Variants in CDHR2 observed in about 807,000 individuals in gnomAD.
The protein encoded by CDHR2 is cadherin related family member 2.
CDHR2 carries 104 observed loss-of-function variants against 138.6 expected under a neutral mutation model. The observed-to-expected ratio is 0.75, with a 90% confidence interval of 0.64 to 0.88. CDHR2 has a LOEUF of 0.88. Among genes scored for constraint, CDHR2 ranks in the 40% least tolerant of loss-of-function variants. CDHR2 has a pLI of 0.00. For synonymous variants in CDHR2, 755 were observed against 742.8 expected (o/e 1.02, Z -0.27); for missense variants, 1,624 against 1,727.6 (o/e 0.94, Z 1.06).
intron 15 of CDHR2, 84 bp downstream of exon 15, chr5:176,578,179 T>G: frequency 7.3e-7 from 1 of 1,366,628 alleles, no homozygotes; most frequent in Non-Finnish European, 1.0e-6. Context: ...ATAGAATAGC[T>G]GGGGAAGACC....
Position 176,568,713 on chromosome 5 carries a change from G to C in CDHR2, c.160G>C (p.Asp54His). The C allele has an allele frequency of 1.2e-6, 2 of 1,614,236 alleles. No homozygotes were observed. Among genetic ancestry groups the C allele is most frequent in the Non-Finnish European group, 8.5e-7 (1 of 1,180,032 alleles). ...QAFWLVAEDQ[D>H]NDPLTYGMSG... ...CTTCTGGTTGGTAGCGGAAGACCAG[G>C]ACAATGACCCTCTGACCTATGGGAT... Residue 54 changes from aspartate to histidine, a missense_variant, in exon 4 of 32, where the codon GAC (aspartate) becomes CAC (histidine). By Grantham distance (81) the Asp-to-His change is moderately conservative. This residue lies in a region of CDHR2 where 1,061 missense variants were observed against 1,136.6 expected (regional missense o/e 0.93). Coordinates refer to ENST00000261944, the MANE Select transcript of CDHR2 (RefSeq NM_017675.6).
chr5:176,578,276 T>C, intron 15 of CDHR2, 89 bp from the exon 16 acceptor site: 1 of 1,333,350 alleles, frequency 7.5e-7, no homozygotes, highest in Admixed American at 2.0e-5. Flanking sequence ...GCATGGGATA[T>C]GCTGAAATAT....
At chr5:176,558,192 G>T (rs1017170281) in intron 1 of CDHR2, among the ~76,000 whole-genome samples, 6 of 149,430 alleles carry the variant, frequency 4.0e-5, no homozygotes, top group Non-Finnish European at 4.4e-5. Flanking sequence ...CACTGGTTTT[G>T]CTTGCTTAGT....
Position 176,582,664 on chromosome 5 carries a change from C to T in CDHR2, c.2058+1082C>T, listed in dbSNP as rs1758557977. ...AGGCATGGTGGCATGTACCTGAAGT[C>T]CCAGCTACTTGGAAGGCTGAGGCAG... On this transcript the variant is annotated intron_variant, in intron 17 of 31. Transcript: ENST00000261944. 2.0e-5 allele frequency among the ~76,000 whole-genome samples: 3 copies of T among 152,132 alleles called. No homozygotes were observed. In the South Asian group the frequency reaches 6.2e-4, roughly 32 times the overall value.
intron 5 of CDHR2, among the ~76,000 whole-genome samples, chr5:176,569,895 G>T (rs916125296): frequency 2.0e-5 from 3 of 151,724 alleles, no homozygotes; most frequent in Non-Finnish European, 4.4e-5. Flanking sequence ...GGGAGGTGGA[G>T]GTTGTATTGA....
chr5:176,590,384 G>A (rs1561882271), intron 26 of CDHR2, 41 bp from the exon 27 acceptor site: 1 of 1,614,202 alleles, frequency 6.2e-7, no homozygotes, highest in African/African-American at 1.3e-5. Flanking sequence ...AGCCTGGGGT[G>A]TGCCAAGGTC....
intron 23 of CDHR2, 31 bp from the exon 24 acceptor site, chr5:176,589,497 G>C: frequency 6.2e-7 from 1 of 1,613,544 alleles, no homozygotes; most frequent in Non-Finnish European, 8.5e-7. Flanking sequence ...AGGGTCCCTG[G>C]TGCCTCATCT....
chr5:176,591,512 A>AGGT (rs759912627), intron 30 of CDHR2, 28 bp downstream of exon 30: 12 of 1,541,636 alleles, frequency 7.8e-6, no homozygotes, highest in Non-Finnish European at 1.1e-5. Flanking sequence ...CAGCCAGGCT[A>AGGT]GGTGGTGGTG....
At chr5:176,572,113 G>A (rs376256043) in intron 6 of CDHR2, among the ~76,000 whole-genome samples, 2 of 151,780 alleles carry the variant, frequency 1.3e-5, no homozygotes, top group Non-Finnish European at 2.9e-5. Context: ...GCCGGGTGCC[G>A]TGGCTCACTC....
At chr5:176,569,267 A>G (rs1235640374) in intron 5 of CDHR2, among the ~76,000 whole-genome samples, 1 of 149,790 alleles carries the variant, frequency 6.7e-6, no homozygotes, top group African/African-American at 2.4e-5. Context: ...TATTGGTTAT[A>G]TTTTAATTGT....
chr5:176,589,913 G>T (rs1758801667), intron 24 of CDHR2, among the ~76,000 whole-genome samples, 165 bp from the exon 25 acceptor site: 1 of 152,192 alleles, frequency 6.6e-6, no homozygotes, highest in Non-Finnish European at 1.5e-5. Flanking sequence ...CAGAGGAAGG[G>T]ATTTCCTTTT....
chr5:176,585,541 C>G (rs1298077159), intron 19 of CDHR2, among the ~76,000 whole-genome samples: 1 of 152,196 alleles, frequency 6.6e-6, no homozygotes, highest in Non-Finnish European at 1.5e-5. Context: ...ATTTAAACAA[C>G]CAGCTTATAT....
intron 31 of CDHR2, among the ~76,000 whole-genome samples, chr5:176,594,164 C>T (rs534252535): frequency 2.0e-5 from 3 of 152,220 alleles, no homozygotes; most frequent in East Asian, 3.9e-4. Context: ...GGACAAGTCA[C>T]GGAAAGTCTT....
At chr5:176,546,007 G>A (rs1757577541), upstream of CDHR2, among the ~76,000 whole-genome samples, 1 of 152,256 alleles carries the variant, frequency 6.6e-6, no homozygotes, top group Non-Finnish European at 1.5e-5. Flanking sequence ...GTAAGGGCAG[G>A]GAGAGGGGGC....
chr5:176,590,092 C>A lies in CDHR2; in HGVS notation c.3221C>A (p.Ala1074Glu). 2 of 1,613,790 alleles carry A rather than the reference C, an allele frequency of 1.2e-6. No homozygotes were observed. The highest frequency in any genetic ancestry group is 8.5e-7 in the Non-Finnish European group (1 of 1,179,904). Reference protein sequence around the residue: ...RQAINAALTQATRTTVYIVDI... With the variant: ...RQAINAALTQETRTTVYIVDI... ...CTTCTTTGCAGGGCTCTTACCCAGGCAACCAGGACTACAGTATACATTGTG... is the reference window on the plus strand; with the variant it reads ...CTTCTTTGCAGGGCTCTTACCCAGGAAACCAGGACTACAGTATACATTGTG... Residue 1074 changes from alanine (A) to glutamate (E), a missense_variant, in exon 25 of 32, where the codon GCA (alanine) becomes GAA (glutamate). Transcript: ENST00000261944.
At chr5:176,558,298 C>T (rs1757887656) in intron 1 of CDHR2, among the ~76,000 whole-genome samples, 1 of 150,922 alleles carries the variant, frequency 6.6e-6, no homozygotes, top group African/African-American at 2.4e-5. Flanking sequence ...TCACTGCAAG[C>T]TCCGTCTCCC....
At chr5:176,548,137 G>T (rs1054231381), upstream of CDHR2, among the ~76,000 whole-genome samples, 2 of 152,196 alleles carry the variant, frequency 1.3e-5, no homozygotes, top group African/African-American at 4.8e-5. Flanking sequence ...AAGTATTTGT[G>T]CATGTAAACA....
downstream of CDHR2, chr5:176,595,871 G>T: frequency 2.0e-6 from 1 of 491,010 alleles, no homozygotes; most frequent in South Asian, 4.1e-5. Flanking sequence ...TGGAGGGGTG[G>T]GGACGGGACA....
At chr5:176,560,402 A>G (rs1757938280) in intron 1 of CDHR2, among the ~76,000 whole-genome samples, 1 of 151,662 alleles carries the variant, frequency 6.6e-6, no homozygotes, top group South Asian at 2.1e-4. Context: ...GTCTCAATAA[A>G]TAAATTAAAA....
Sources: allele counts gnomAD v4.1 joint callset (sites outside exome capture counted in the v4.1 genomes callset), GRCh38; gene constraint gnomAD v4.1.1; regional missense constraint gnomAD v4.1.1; transcripts MANE v1.5; gene names NCBI Gene and HGNC (gene_info 2026-07-23, HGNC 2026-07-21).